The following AKAP12 variants were observed in gnomAD, a reference collection of about 807,000 sequenced individuals.
AKAP12 encodes the protein A-kinase anchor protein 12.
In AKAP12, 32 loss-of-function variants were observed where a neutral mutation model predicts 79.9. The observed-to-expected ratio is 0.40, with a 90% CI of 0.30 to 0.54. AKAP12 has a LOEUF of 0.54. Among genes scored for constraint, AKAP12 ranks in the 20% least tolerant of loss-of-function variants. The pLI is 0.48. For synonymous variants in AKAP12, 808 were observed against 857.0 expected (o/e 0.94, Z 1.00); for missense variants, 2,074 against 2,177.0 (o/e 0.95, Z 0.94).
At chr6:151,324,959 G>T in intron 3 of AKAP12, 1 of 985,436 alleles carries the variant, frequency 1.0e-6, no homozygotes, top group Non-Finnish European at 1.2e-6. Context: ...CTAAAAATTG[G>T]AACATGGCAT....
At chr6:151,300,185 G>A (rs542199850) in intron 2 of AKAP12, among the ~76,000 whole-genome samples, 17 of 152,042 alleles carry the variant, frequency 1.1e-4, no homozygotes, top group South Asian at 8.3e-4. Flanking sequence ...AAGTTTTGTC[G>A]TGGGATTTAA....
chr6:151,302,085 G>A (rs1470325413), intron 2 of AKAP12, among the ~76,000 whole-genome samples: 2 of 149,858 alleles, frequency 1.3e-5, no homozygotes, highest in East Asian at 2.0e-4. Flanking sequence ...ATCTCAGCTC[G>A]CTGCAACCTC....
At chr6:151,279,161 C>T (rs1430375837) in intron 2 of AKAP12, among the ~76,000 whole-genome samples, 1 of 152,122 alleles carries the variant, frequency 6.6e-6, no homozygotes, top group Non-Finnish European at 1.5e-5. Context: ...GGCTCACACC[C>T]AGAACCTGAG....
intron 3 of AKAP12, among the ~76,000 whole-genome samples, chr6:151,338,294 T>C (rs111832503): frequency 6.8e-4 from 104 of 152,230 alleles, no homozygotes; most frequent in African/African-American, 2.4e-3. Flanking sequence ...GGGTCAGAGA[T>C]TTTGTGTTGT....
chr6:151,242,803 G>A (rs1797003747), intron 2 of AKAP12, among the ~76,000 whole-genome samples: 1 of 152,206 alleles, frequency 6.6e-6, no homozygotes, highest in East Asian at 1.9e-4. Context: ...TGGTTGTGCC[G>A]ACCAACGGTG....
chr6:151,331,650 C>T (rs1777668223), intron 3 of AKAP12, among the ~76,000 whole-genome samples: 1 of 152,030 alleles, frequency 6.6e-6, no homozygotes, highest in Non-Finnish European at 1.5e-5. Flanking sequence ...CTTTGGGAGG[C>T]CGAGGTGGGT....
intron 3 of AKAP12, among the ~76,000 whole-genome samples, chr6:151,333,417 C>A (rs142601988): frequency 6.6e-6 from 1 of 152,296 alleles, no homozygotes; most frequent in Non-Finnish European, 1.5e-5. Flanking sequence ...AAGCTACAGT[C>A]TTTAACTCAT....
chr6:151,240,901 C>T (rs1374723059), intron 2 of AKAP12, among the ~76,000 whole-genome samples, 177 bp downstream of exon 2: 2 of 152,170 alleles, frequency 1.3e-5, no homozygotes, highest in Non-Finnish European at 1.5e-5. Context: ...CGCGCCGGGG[C>T]GGGGCCAGAG....
rs542354708 is a variant in AKAP12 at position 151,285,332 on chromosome 6, A to G, written c.163-20415A>G. 4.0e-5 allele frequency among the ~76,000 whole-genome samples: 6 copies of G among 151,364 alleles called. No individual in the cohort carries two copies. The Middle Eastern group carries it at 0.01, about 261-fold the overall frequency. On this transcript the variant is annotated intron_variant, in intron 2 of 4. Coordinates refer to ENST00000402676, the MANE Select transcript of AKAP12 (RefSeq NM_005100.4). ...AGTGATTCACATTACTGAGTTTGCT[A>G]TTGAACTATTTTTTCCTTGCCAGGA... is the stretch of plus-strand genomic sequence containing the variant.
intron 3 of AKAP12, among the ~76,000 whole-genome samples, chr6:151,314,945 G>A (rs756891892): frequency 4.6e-5 from 7 of 151,886 alleles, no homozygotes; most frequent in Non-Finnish European, 7.4e-5. Context: ...CCAGCTATTC[G>A]GGAGGCTGAG....
chr6:151,344,565 G>T (rs779284021), intron 3 of AKAP12, among the ~76,000 whole-genome samples: 1 of 151,874 alleles, frequency 6.6e-6, no homozygotes, highest in African/African-American at 2.4e-5. Context: ...AGTCAGTCTC[G>T]CTCGGTCACC....
chr6:151,260,142 G>A (rs1227580070), intron 2 of AKAP12, among the ~76,000 whole-genome samples: 2 of 152,088 alleles, frequency 1.3e-5, no homozygotes, highest in Non-Finnish European at 2.9e-5. Flanking sequence ...ACGTTTATTG[G>A]GTTTGAGTGC....
intron 3 of AKAP12, among the ~76,000 whole-genome samples, chr6:151,339,614 A>G (rs986179788): frequency 2.0e-5 from 3 of 152,074 alleles, no homozygotes; most frequent in African/African-American, 7.2e-5. Context: ...CATAGTTTAC[A>G]TTAGGGCTCA....
intron 2 of AKAP12, among the ~76,000 whole-genome samples, chr6:151,292,488 C>G (rs1419417261): frequency 6.6e-6 from 1 of 152,142 alleles, no homozygotes; most frequent in Non-Finnish European, 1.5e-5. Context: ...CTGTTGGTAC[C>G]AAAATACAAG....
chr6:151,242,918 C>A (rs1313879609), intron 2 of AKAP12, among the ~76,000 whole-genome samples: 5 of 152,180 alleles, frequency 3.3e-5, no homozygotes, highest in Non-Finnish European at 4.4e-5. Flanking sequence ...TGGAAAATAT[C>A]AAGTTGGAGA....
intron 3 of AKAP12, among the ~76,000 whole-genome samples, chr6:151,334,658 G>A (rs1264597209): frequency 6.8e-6 from 1 of 147,882 alleles, no homozygotes; most frequent in Non-Finnish European, 1.5e-5. Flanking sequence ...GTCTTGCTCT[G>A]TCGCCCAGGC....
At chr6:151,289,391 A>C (rs1250884125) in intron 2 of AKAP12, among the ~76,000 whole-genome samples, 1 of 152,204 alleles carries the variant, frequency 6.6e-6, no homozygotes, top group Admixed American at 6.5e-5. Context: ...GTTATGTAGT[A>C]GTGAATATTC....
chr6:151,266,219 A>G (rs1197132726), intron 2 of AKAP12, among the ~76,000 whole-genome samples: 1 of 152,266 alleles, frequency 6.6e-6, no homozygotes, highest in Non-Finnish European at 1.5e-5. Flanking sequence ...TAAAAAGTTA[A>G]AAGTTAGGAT....
chr6:151,332,009 A>C (rs947247927), intron 3 of AKAP12, among the ~76,000 whole-genome samples: 1 of 138,298 alleles, frequency 7.2e-6, no homozygotes, highest in African/African-American at 2.8e-5. Flanking sequence ...GACCCTACTG[A>C]GTAGCACGTC....
Sources: gnomAD v4.1 joint callset for allele counts (sites outside exome capture counted in the v4.1 genomes callset) on GRCh38, gnomAD v4.1.1 for gene constraint, MANE v1.5 for transcripts, NCBI Gene and HGNC (gene_info 2026-07-23, HGNC 2026-07-21) for gene names.